The following ADAM9 variants were observed in gnomAD, a reference collection of about 807,000 sequenced individuals.
ADAM9 encodes ADAM metallopeptidase domain 9.
A neutral mutation model predicts 108.1 loss-of-function variants in ADAM9; 54 were observed. The ratio of observed to expected loss-of-function variants is 0.50; its 90% CI spans 0.40 to 0.63. ADAM9 has a LOEUF of 0.63. Among genes scored for constraint, ADAM9 ranks in the 20% least tolerant of loss-of-function variants. The pLI, the probability that ADAM9 is intolerant of heterozygous loss-of-function variation, is 0.00. For missense variants in ADAM9, 830 were observed against 997.7 expected (o/e 0.83, Z 2.26); for synonymous variants, 316 against 336.0 (o/e 0.94, Z 0.65).
At chr8:39,058,580 G>A (rs147739280) in intron 14 of ADAM9, among the ~76,000 whole-genome samples, 3 of 152,280 alleles carry the variant, frequency 2.0e-5, no homozygotes, top group East Asian at 3.9e-4. Context: ...TGGAGTAGTA[G>A]GCCAGTTTCC....
At chr8:39,083,946 G>A (rs1839100701) in intron 18 of ADAM9, among the ~76,000 whole-genome samples, 1 of 152,182 alleles carries the variant, frequency 6.6e-6, no homozygotes, top group African/African-American at 2.4e-5. Flanking sequence ...CTTACTAGCT[G>A]TATATGAGAG....
intron 14 of ADAM9, among the ~76,000 whole-genome samples, chr8:39,069,372 T>C (rs771117268): frequency 1.1e-4 from 16 of 152,244 alleles, no homozygotes; most frequent in Non-Finnish European, 2.4e-4. Context: ...TCTGGTGTTA[T>C]AGGTCTAGTT....
intron 15 of ADAM9, among the ~76,000 whole-genome samples, chr8:39,073,062 T>C (rs1838747211): frequency 1.3e-5 from 2 of 152,230 alleles, no homozygotes; most frequent in African/African-American, 4.8e-5. Context: ...CAGACTAATA[T>C]GTGGGCCAGC....
At position 39,104,171 on chromosome 8, in the gene ADAM9, C is replaced by T. The variant is rs1301155329; in HGVS notation, c.*471C>T. ...GCCAATAATATCTAATATTTTTCAT[C>T]ATGCACGAATTAATAATCATCATAC... On this transcript the variant is annotated 3_prime_UTR_variant, in exon 22 of 22. Transcript: ENST00000487273. The T allele has an allele frequency of 2.2e-6, 1 of 454,094 alleles. No homozygotes were observed. Among genetic ancestry groups the T allele is most frequent in the East Asian group, 6.9e-5 (1 of 14,410 alleles). The allele number at this position is 454,094 out of a possible 1,614,324, so 28.1% of individuals were successfully genotyped here.
chr8:39,023,201 A>G lies in ADAM9; in HGVS notation c.790A>G (p.Ile264Val). ...NIRIVLVGLEIWTNGNLINIV... is the reference protein window; with the variant it reads ...NIRIVLVGLEVWTNGNLINIV... The stretch of plus-strand genomic sequence containing the variant: ...TCGAATTGTGCTAGTTGGACTGGAG[A>G]TTTGGACCAATGGAAACCTGATCAA... Residue 264 changes from isoleucine to valine, a missense_variant, in exon 9 of 22, where the codon ATT becomes GTT. Coordinates refer to ENST00000487273, the MANE Select transcript of ADAM9 (RefSeq NM_003816.3). The G allele has an allele frequency of 6.2e-7, 1 of 1,613,466 alleles. No homozygotes were observed. Among genetic ancestry groups the G allele is most frequent in the Admixed American group, 1.7e-5 (1 of 59,940 alleles).
chr8:39,020,177 G>A (rs1836688816), intron 7 of ADAM9, among the ~76,000 whole-genome samples: 1 of 152,052 alleles, frequency 6.6e-6, no homozygotes, highest in Non-Finnish European at 1.5e-5. Context: ...CCCAGAACCC[G>A]GGAGGCGGAG....
At chr8:39,005,393 C>T (rs567306241) in intron 1 of ADAM9, among the ~76,000 whole-genome samples, 105 of 152,270 alleles carry the variant, frequency 6.9e-4, no homozygotes, top group African/African-American at 2.4e-3. Flanking sequence ...TGCATTCCTA[C>T]ACAAAGATTA....
intron 14 of ADAM9, 113 bp from the exon 15 acceptor site, chr8:39,071,185 G>C: frequency 2.3e-6 from 2 of 879,838 alleles, no homozygotes; most frequent in Non-Finnish European, 3.6e-6. Flanking sequence ...ACGGTGTTGA[G>C]GGGTATTGAG....
At position 39,101,890 on chromosome 8, in the gene ADAM9, C is replaced by G; in HGVS notation, c.2326C>G (p.Pro776Ala). 6.2e-7 allele frequency: 1 copy of G among 1,613,512 alleles called. No individual in the cohort carries two copies. ...TATATATGCAAACAGATTTGCAGTA[C>G]CAACCTATGCAGCCAAGCAACCTCA... ...VPIYANRFAV[P>A]TYAAKQPQQF... The change falls in exon 21 of 22, where the codon CCA becomes GCA. Residue 776 changes from proline to alanine, a missense_variant. Transcript: ENST00000487273.
Position 39,007,923 on chromosome 8 carries a change from T to C in ADAM9, c.135T>C (p.Ile45=). The C allele has an allele frequency of 6.2e-7, 1 of 1,612,468 alleles. No homozygotes were observed. The highest frequency in any genetic ancestry group is 8.5e-7 in the Non-Finnish European group (1 of 1,179,254). ...CCTCACATCTTTCTTCTTATGAAATTATAACTCCTTGGAGATTAACTAGAG... is the reference window on the plus strand; with the variant it reads ...CCTCACATCTTTCTTCTTATGAAATCATAACTCCTTGGAGATTAACTAGAG... ...QQTSHLSSYE[I]ITPWRLTRER... is the part of the protein sequence containing the mutation. The change falls in exon 2 of 22, where the codon ATT becomes ATC. Residue 45 remains isoleucine, a synonymous_variant. Transcript: ENST00000487273.
intron 15 of ADAM9, 44 bp from the exon 16 acceptor site, chr8:39,077,184 A>G (rs972413577): frequency 1.2e-6 from 2 of 1,604,526 alleles, no homozygotes; most frequent in Non-Finnish European, 1.7e-6. Context: ...TTTGTTATGT[A>G]TACTGGATGC....
chr8:39,099,646 C>T (rs1419559536), intron 20 of ADAM9, among the ~76,000 whole-genome samples: 10 of 151,784 alleles, frequency 6.6e-5, no homozygotes, highest in Admixed American at 6.6e-4. Context: ...CAGATAAATG[C>T]CAAAAAAGAT....
At chr8:39,034,239 C>T (rs1254013803) in intron 11 of ADAM9, among the ~76,000 whole-genome samples, 1 of 152,128 alleles carries the variant, frequency 6.6e-6, no homozygotes, top group Non-Finnish European at 1.5e-5. Context: ...AGACATATTT[C>T]TAGAATGGAA....
At chr8:39,046,636 A>T (rs1837783677) in intron 12 of ADAM9, among the ~76,000 whole-genome samples, 1 of 151,906 alleles carries the variant, frequency 6.6e-6, no homozygotes, top group South Asian at 2.1e-4. Flanking sequence ...ATTTTCCTTT[A>T]TTTCTAGTTT....
In ADAM9 at chr8:39,035,773, T is replaced by G. The variant is rs930236451; in HGVS notation, c.1131-6173T>G. On this transcript the variant is annotated intron_variant, in intron 11 of 21. Transcript: ENST00000487273. ...CAGAGCTTGCAGTGAGCTGAGATCG[T>G]GCCACTGCATTCCAGCCTGGGTGAC... 3.3e-5 allele frequency among the ~76,000 whole-genome samples: 5 copies of G among 152,194 alleles called. No homozygotes were observed. In the East Asian group the frequency reaches 5.8e-4, roughly 18 times the overall value.
Position 39,007,985 on chromosome 8 carries a change from T to G in ADAM9, c.195+2T>G. On this transcript the variant is annotated splice_donor_variant, in intron 2 of 21. Coordinates refer to ENST00000487273, the MANE Select transcript of ADAM9 (RefSeq NM_003816.3). LOFTEE classifies it high-confidence loss of function. ...GCCCCTAGGCCCTATTCAAAACAAG[T>G]AAGTTATAATTGTTGAGAAATAATA... 6.3e-7 allele frequency: 1 copy of G among 1,580,172 alleles called. No homozygotes were observed. Among genetic ancestry groups the G allele is most frequent in the South Asian group, 1.1e-5 (1 of 90,370 alleles).
intron 11 of ADAM9, among the ~76,000 whole-genome samples, chr8:39,037,171 C>T (rs1837306520): frequency 6.7e-6 from 1 of 148,714 alleles, no homozygotes; most frequent in East Asian, 2.0e-4. Flanking sequence ...ATTCTCCTGC[C>T]TCAGCCTCTC....
At chr8:39,011,797 T>C in intron 3 of ADAM9, 81 bp downstream of exon 3, 1 of 1,295,062 alleles carries the variant, frequency 7.7e-7, no homozygotes, top group East Asian at 2.3e-5. Flanking sequence ...TGATATGGTT[T>C]AGTGGATCCT....
rs1485089770 is a variant in ADAM9, at chr8:39,014,652, A to C, written c.333+609A>C. 35 of 693,412 alleles carry C rather than the reference A, an allele frequency of 5.0e-5. 1 individual carries two copies. The East Asian group carries it at 9.4e-4, about 19-fold the overall frequency. 43.0% of individuals were successfully genotyped at this position (693,412 alleles called of 1,614,324 possible). On this transcript the variant is annotated intron_variant, in intron 4 of 21. Transcript: ENST00000487273. ...TGAGTGTTTTACAGTCCTTTTTGGCAGTTAGGTATTATACCTTTTTTTCTT... is the reference window on the plus strand; with the variant it reads ...TGAGTGTTTTACAGTCCTTTTTGGCCGTTAGGTATTATACCTTTTTTTCTT...
Sources: allele counts gnomAD v4.1 joint callset (sites outside exome capture counted in the v4.1 genomes callset), GRCh38; gene constraint gnomAD v4.1.1; transcripts MANE v1.5; gene names NCBI Gene and HGNC (gene_info 2026-07-23, HGNC 2026-07-21).